The following CAMSAP1 variants were observed in gnomAD, a reference collection of about 807,000 sequenced individuals.
CAMSAP1 encodes the protein calmodulin-regulated spectrin-associated protein 1.
A neutral mutation model predicts 143.5 loss-of-function variants in CAMSAP1; 58 were observed. That is an observed-to-expected ratio of 0.40 (90% CI 0.33 to 0.50). The LOEUF is 0.50. Ranked by LOEUF, CAMSAP1 falls within the 20% of genes least tolerant of loss-of-function variation. The probability of loss-of-function intolerance (pLI) is 0.45; values close to 1 mark genes in which losing one functional copy is unlikely to be tolerated. For missense variants in CAMSAP1, 1,969 were observed against 2,115.7 expected, an observed-to-expected ratio of 0.93 and a Z score of 1.36; for synonymous variants, 945 against 859.3, an observed-to-expected ratio of 1.10 and a Z score of -1.74.
chr9:135,811,320 T>G lies in CAMSAP1; in HGVS notation c.4798A>C (p.Thr1600Pro). Residue 1600 changes from threonine to proline, a missense_variant, in exon 17 of 17, where the codon ACT becomes CCT. Physicochemically the swap from Thr to Pro is conservative, Grantham distance 38. Transcript: ENST00000389532. The surrounding 1 kb of genome is among the most constrained non-coding windows in gnomAD (Gnocchi z 4.9). Reference protein sequence around the residue: ...KRPAVPKKAQTRK With the variant: ...KRPAVPKKAQPRK ...CAGCTGCACCGGGGTCATTTACGAGTCTGGGCCTTCTTTGGCACTGCAGGC... is the reference window on the plus strand; with the variant it reads ...CAGCTGCACCGGGGTCATTTACGAGGCTGGGCCTTCTTTGGCACTGCAGGC... 6.2e-7 allele frequency: 1 copy of G among 1,612,566 alleles called. No individual in the cohort carries two copies. The highest frequency in any genetic ancestry group is 8.5e-7 in the Non-Finnish European group (1 of 1,179,238).
chr9:135,857,737 T>C (rs1157953401), intron 5 of CAMSAP1, among the ~76,000 whole-genome samples: 1 of 152,142 alleles, frequency 6.6e-6, no homozygotes, highest in Non-Finnish European at 1.5e-5. Context: ...GAAGAATCCT[T>C]CCCTGTGTTG....
At chr9:135,872,986 A>C (rs1299376216) in intron 3 of CAMSAP1, among the ~76,000 whole-genome samples, 1 of 152,154 alleles carries the variant, frequency 6.6e-6, no homozygotes, top group Non-Finnish European at 1.5e-5. Context: ...ACCACCAACA[A>C]CCAATCTGAA....
At chr9:135,872,139 T>C (rs1055749184) in intron 3 of CAMSAP1, among the ~76,000 whole-genome samples, 2 of 151,296 alleles carry the variant, frequency 1.3e-5, no homozygotes, top group Non-Finnish European at 2.9e-5. Context: ...CCAAACTGTG[T>C]GAAACTCTTG....
chr9:135,876,487 C>T (rs1448700357), intron 3 of CAMSAP1, among the ~76,000 whole-genome samples: 2 of 152,160 alleles, frequency 1.3e-5, no homozygotes, highest in South Asian at 2.1e-4. Flanking sequence ...ATTAAAACGA[C>T]AATGAGCGAC....
At chr9:135,904,263 T>C (rs1412615916) in intron 1 of CAMSAP1, among the ~76,000 whole-genome samples, 1 of 151,926 alleles carries the variant, frequency 6.6e-6, no homozygotes, top group Non-Finnish European at 1.5e-5. Flanking sequence ...TAGCCAGGCG[T>C]GGTGGTGCAC....
At chr9:135,886,079 T>C (rs1043144464) in intron 1 of CAMSAP1, among the ~76,000 whole-genome samples, 1 of 152,206 alleles carries the variant, frequency 6.6e-6, no homozygotes, top group East Asian at 1.9e-4. Flanking sequence ...AAAAAAAACT[T>C]TGTGATGCCT....
Position 135,822,717 on chromosome 9 carries a change from C to T in CAMSAP1, c.1944G>A (p.Arg648=). The change falls in exon 11 of 17, where the codon AGG becomes AGA. Residue 648 remains arginine (R), a synonymous_variant. Coordinates refer to ENST00000389532, the MANE Select transcript of CAMSAP1 (RefSeq NM_015447.4). This position sits in a 1 kb window ranked among gnomAD's most constrained non-coding sequence, Gnocchi z 6.1. The part of the protein sequence containing the change: ...RKMTGSRDLN[R]TFTPIPCSEF... ...CTGAGCATGGAATCGGGGTAAAAGT[C>T]CTATTCAAGTCGCGACTGCCAGTCA... 6.2e-7 allele frequency: 1 copy of T among 1,612,202 alleles called. No homozygotes were observed. Among genetic ancestry groups the T allele is most frequent in the South Asian group, 1.1e-5 (1 of 90,952 alleles).
chr9:135,840,413 CAAG>C (rs1480318842), intron 7 of CAMSAP1, among the ~76,000 whole-genome samples: 1 of 152,156 alleles, frequency 6.6e-6, no homozygotes, highest in Non-Finnish European at 1.5e-5. Context: ...AGGAGCCCCG[CAAG>C]AAGAAGGGGG....
At chr9:135,875,769 A>T (rs925414741) in intron 3 of CAMSAP1, among the ~76,000 whole-genome samples, 11 of 152,192 alleles carry the variant, frequency 7.2e-5, no homozygotes, top group African/African-American at 2.7e-4. Flanking sequence ...CCCTCATATC[A>T]TTCATAAAAA....
At chr9:135,871,975 G>A (rs957071117) in intron 3 of CAMSAP1, among the ~76,000 whole-genome samples, 1 of 151,820 alleles carries the variant, frequency 6.6e-6, no homozygotes, top group Non-Finnish European at 1.5e-5. Context: ...AGTGGCAGGC[G>A]CCTGTAATCC....
intron 3 of CAMSAP1, among the ~76,000 whole-genome samples, chr9:135,870,894 A>G (rs548095331): frequency 9.8e-5 from 15 of 152,374 alleles, no homozygotes; most frequent in Middle Eastern, 3.4e-3. Flanking sequence ...ATTTCTTAAA[A>G]ACATTAATTG....
At position 135,858,419 on chromosome 9, in the gene CAMSAP1, A is replaced by T. The variant is rs376176851; in HGVS notation, c.808+4048T>A. ...AGACACTATTTCAGATGACTGGGATACATCAGTGAGCAAAACAGGTAAAAC... is the reference window on the plus strand; with the variant it reads ...AGACACTATTTCAGATGACTGGGATTCATCAGTGAGCAAAACAGGTAAAAC... On this transcript the variant is annotated intron_variant, in intron 5 of 16. Coordinates refer to ENST00000389532, the MANE Select transcript of CAMSAP1 (RefSeq NM_015447.4). Among the ~76,000 whole-genome samples the T allele has an allele frequency of 3.3e-5, 5 of 152,258 alleles. No individual in the cohort carries two copies. In the East Asian group the frequency reaches 7.7e-4, roughly 24 times the overall value.
At position 135,836,955 on chromosome 9, in the gene CAMSAP1, C is replaced by T. The variant is rs1000530512; in HGVS notation, c.1046-9371G>A. On this transcript the variant is annotated intron_variant, in intron 7 of 16. Coordinates refer to ENST00000389532, the MANE Select transcript of CAMSAP1 (RefSeq NM_015447.4). ...TACCCGTTCTACAGACACACGTCAC[C>T]ACACACTTTCTACCCATTCTACAGA... The T allele has an allele frequency of 6.1e-6, 6 of 980,922 alleles. No homozygotes were observed. The Admixed American group carries it at 3.7e-4, about 60-fold the overall frequency. The allele number at this position is 980,922 out of a possible 1,614,324, so 60.8% of individuals were successfully genotyped here.
At position 135,882,895 on chromosome 9, in the gene CAMSAP1, G is replaced by C; in HGVS notation, c.344C>G (p.Ser115Cys). ...CTCCATCACATAGATCCCTTTCCGGGACAGGGCCTGGATGACAGACTGGTG... is the reference window on the plus strand; with the variant it reads ...CTCCATCACATAGATCCCTTTCCGGCACAGGGCCTGGATGACAGACTGGTG... Reference protein sequence around the residue: ...QGHQSVIQALSRKGIYVMESD... With the variant: ...QGHQSVIQALCRKGIYVMESD... Residue 115 changes from serine (S) to cysteine (C), a missense_variant, in exon 2 of 17, where the codon TCC (serine) becomes TGC (cysteine). This residue lies in a region of CAMSAP1 where 215 missense variants were observed against 196.2 expected (regional missense o/e 1.10). Transcript: ENST00000389532. This position sits in a 1 kb window ranked among gnomAD's most constrained non-coding sequence, Gnocchi z 4.9. The C allele has an allele frequency of 6.4e-7, 1 of 1,551,680 alleles. No individual in the cohort carries two copies. Among genetic ancestry groups the C allele is most frequent in the African/African-American group, 1.4e-5 (1 of 73,170 alleles).
At chr9:135,902,504 C>G (rs1169163235) in intron 1 of CAMSAP1, among the ~76,000 whole-genome samples, 1 of 152,170 alleles carries the variant, frequency 6.6e-6, no homozygotes, top group African/African-American at 2.4e-5. Flanking sequence ...GAAAGGGGCT[C>G]TGAGCACAGA....
intron 1 of CAMSAP1, among the ~76,000 whole-genome samples, chr9:135,901,370 G>T (rs1838611044): frequency 6.6e-6 from 1 of 152,232 alleles, no homozygotes; most frequent in Non-Finnish European, 1.5e-5. Flanking sequence ...GGGAGGCCAA[G>T]GTGGGTAGGA....
chr9:135,883,262 A>C (rs1002617229), intron 1 of CAMSAP1, among the ~76,000 whole-genome samples, 184 bp from the exon 2 acceptor site: 1 of 152,234 alleles, frequency 6.6e-6, no homozygotes, highest in Non-Finnish European at 1.5e-5. Context: ...AAAAGGCTCT[A>C]GGCTTTTCAA....
chr9:135,813,386 GTTTA>G (rs1414178242), intron 16 of CAMSAP1, among the ~76,000 whole-genome samples: 2 of 152,152 alleles, frequency 1.3e-5, no homozygotes, highest in African/African-American at 4.8e-5. Flanking sequence ...ATATAATGGG[GTTTA>G]TTATTTTAAA....
rs2131659578 is a variant in CAMSAP1 at position 135,821,649 on chromosome 9, A to G, written c.3012T>C (p.Ala1004=). Residue 1004 remains alanine, a synonymous_variant, in exon 11 of 17, where the codon GCT becomes GCC. Coordinates refer to ENST00000389532, the MANE Select transcript of CAMSAP1 (RefSeq NM_015447.4). This position sits in a 1 kb window ranked among gnomAD's most constrained non-coding sequence, Gnocchi z 4.6. The part of the protein sequence containing the change: ...HELERNKVIS[A]ALLEDTVGEV... ...CCCCAACAGTGTCCTCCAGGAGGGCAGCGGAGATCACCTTATTTCTCTCCA... is the reference window on the plus strand; with the variant it reads ...CCCCAACAGTGTCCTCCAGGAGGGCGGCGGAGATCACCTTATTTCTCTCCA... 1.2e-6 allele frequency: 2 copies of G among 1,614,028 alleles called. No homozygotes were observed. Among genetic ancestry groups the G allele is most frequent in the South Asian group, 1.1e-5 (1 of 91,080 alleles).
Sources: gnomAD v4.1 joint callset for allele counts (sites outside exome capture counted in the v4.1 genomes callset) on GRCh38, gnomAD v4.1.1 for gene constraint, gnomAD v4.1.1 regional missense constraint, Gnocchi (gnomAD v3.1) non-coding constraint, MANE v1.5 for transcripts, NCBI Gene and HGNC (gene_info 2026-07-23, HGNC 2026-07-21) for gene names.